EFCAB13: variants seen among roughly 807,000 people sequenced by gnomAD.
The protein encoded by EFCAB13 is EF-hand calcium-binding domain-containing protein 13.
In EFCAB13, 91 loss-of-function variants were observed where a neutral mutation model predicts 110.2. The ratio of observed to expected loss-of-function variants is 0.83; its 90% confidence interval spans 0.70 to 0.98. EFCAB13 has a LOEUF of 0.98. Ranked by LOEUF, EFCAB13 falls within the 50% of genes least tolerant of loss-of-function variation. EFCAB13 has a pLI of 0.00. For missense variants in EFCAB13, 968 were observed against 1,119.4 expected, an observed-to-expected ratio of 0.86 and a Z score of 1.93; for synonymous variants, 323 against 369.9, an observed-to-expected ratio of 0.87 and a Z score of 1.45.
At chr17:47,435,257 A>T (rs1905191075) in intron 24 of EFCAB13, among the ~76,000 whole-genome samples, 1 of 152,116 alleles carries the variant, frequency 6.6e-6, no homozygotes, top group Non-Finnish European at 1.5e-5. Flanking sequence ...AGATATACAA[A>T]TGGCCAACAA....
At chr17:47,416,881 G>C (rs1904469457) in intron 23 of EFCAB13, among the ~76,000 whole-genome samples, 1 of 152,166 alleles carries the variant, frequency 6.6e-6, no homozygotes, top group Admixed American at 6.5e-5. Flanking sequence ...GAAAACGAAA[G>C]AAAGTCCACA....
At chr17:47,340,695 G>C (rs2143253103) in intron 5 of EFCAB13, among the ~76,000 whole-genome samples, 1 of 150,930 alleles carries the variant, frequency 6.6e-6, no homozygotes, top group Non-Finnish European at 1.5e-5. Flanking sequence ...TGCCTCCCAG[G>C]TTCAAGCAAT....
chr17:47,421,498 C>A (rs1344984906), intron 23 of EFCAB13, among the ~76,000 whole-genome samples: 3 of 151,740 alleles, frequency 2.0e-5, no homozygotes, highest in African/African-American at 7.3e-5. Flanking sequence ...TGCGGAAGGC[C>A]GCAGTGTCCT....
chr17:47,383,525 A>G (rs1161269271), intron 14 of EFCAB13, among the ~76,000 whole-genome samples: 1 of 152,078 alleles, frequency 6.6e-6, no homozygotes, highest in East Asian at 1.9e-4. Context: ...TTCTGCCTTC[A>G]TTTCATTATT....
At chr17:47,370,738 G>GTTTTTTTTTTTTTTTTT (rs764924546) in intron 11 of EFCAB13, among the ~76,000 whole-genome samples, 1 of 127,202 alleles carries the variant, frequency 7.9e-6, no homozygotes, top group East Asian at 2.4e-4. Context: ...GTTGTTGTTT[G>GTTTTTTTTTTTTTTTTT]TTTTTTTTTT....
intron 9 of EFCAB13, among the ~76,000 whole-genome samples, chr17:47,351,325 G>A (rs1333922138): frequency 2.7e-5 from 4 of 150,632 alleles, no homozygotes; most frequent in South Asian, 2.1e-4. Context: ...GCGCGCGCGC[G>A]CGCCACGTTT....
chr17:47,332,298 C>G (rs927161560), intron 4 of EFCAB13, among the ~76,000 whole-genome samples: 2 of 151,912 alleles, frequency 1.3e-5, no homozygotes, highest in African/African-American at 4.8e-5. Flanking sequence ...TTTAGATTGA[C>G]AAATAATAAT....
At chr17:47,412,990 T>C (rs2065844210) in intron 22 of EFCAB13, 74 bp downstream of exon 22, 6 of 1,491,148 alleles carry the variant, frequency 4.0e-6, no homozygotes, top group Non-Finnish European at 3.6e-6. Flanking sequence ...AGTGTACCTA[T>C]AAGGATAAGA....
At chr17:47,370,222 C>T (rs1226955455) in intron 10 of EFCAB13, among the ~76,000 whole-genome samples, 1 of 152,024 alleles carries the variant, frequency 6.6e-6, no homozygotes, top group Non-Finnish European at 1.5e-5. Context: ...TGATGAAAAA[C>T]TCTTTTATTA....
chr17:47,396,449 C>A (rs1166749975), intron 17 of EFCAB13, among the ~76,000 whole-genome samples: 1 of 151,654 alleles, frequency 6.6e-6, no homozygotes, highest in African/African-American at 2.4e-5. Context: ...AAACAAAGTT[C>A]AAAAAAGTAT....
chr17:47,377,814 CAGA>C lies in EFCAB13; in HGVS notation c.1426_1428del (p.Glu476del), dbSNP rs752030356. The C allele has an allele frequency of 7.4e-5, 117 of 1,589,850 alleles. No homozygotes were observed. Among genetic ancestry groups the C allele is most frequent in the East Asian group, 1.1e-4 (5 of 43,900 alleles). Reference sequence around the variant, plus strand: ...AAACTTCAAGAAAATTACATTGCAGCAGAAGAACTTCAGTCTATTTTGCCTTCA... The same window carrying C: ...AAACTTCAAGAAAATTACATTGCAGCAGAACTTCAGTCTATTTTGCCTTCA... On this transcript the variant is annotated inframe_deletion, in exon 13 of 25. Transcript: ENST00000331493.
chr17:47,358,674 A>T (rs2065493876), intron 9 of EFCAB13, among the ~76,000 whole-genome samples: 1 of 152,082 alleles, frequency 6.6e-6, no homozygotes, highest in Admixed American at 6.5e-5. Flanking sequence ...TTATCACAAA[A>T]TTTATTATTT....
intron 6 of EFCAB13, among the ~76,000 whole-genome samples, chr17:47,342,260 A>G (rs2143259129): frequency 6.6e-6 from 1 of 150,764 alleles, no homozygotes; most frequent in African/African-American, 2.4e-5. Context: ...TTTTTTCCCT[A>G]TTAAACTTAT....
chr17:47,366,569 T>A (rs1167546670), intron 10 of EFCAB13, among the ~76,000 whole-genome samples: 2 of 152,312 alleles, frequency 1.3e-5, no homozygotes, highest in East Asian at 3.9e-4. Flanking sequence ...TCCTCCAGAA[T>A]TATATACCTT....
chr17:47,344,093 A>G, intron 6 of EFCAB13, 69 bp from the exon 7 acceptor site: 1 of 1,497,400 alleles, frequency 6.7e-7, no homozygotes, highest in Non-Finnish European at 9.0e-7. Flanking sequence ...TAAGAGTTGT[A>G]TCATCCAAGA....
chr17:47,379,373 G>A, intron 14 of EFCAB13, 120 bp downstream of exon 14: 1 of 691,532 alleles, frequency 1.4e-6, no homozygotes, highest in Admixed American at 2.5e-5. Context: ...TGACTCTTAG[G>A]CAAGTCAGTT....
chr17:47,353,439 C>T (rs1598729592), intron 9 of EFCAB13, among the ~76,000 whole-genome samples: 1 of 152,072 alleles, frequency 6.6e-6, no homozygotes, highest in East Asian at 1.9e-4. Context: ...GTACTACAGG[C>T]ATGCACCACC....
chr17:47,363,029 C>T (rs752737647), intron 10 of EFCAB13, among the ~76,000 whole-genome samples: 2 of 152,150 alleles, frequency 1.3e-5, no homozygotes, highest in Non-Finnish European at 2.9e-5. Context: ...CGTCTCCGCA[C>T]ACGGGGAGAA....
chr17:47,407,031 C>T (rs2065808593), intron 20 of EFCAB13, among the ~76,000 whole-genome samples: 1 of 151,990 alleles, frequency 6.6e-6, no homozygotes, highest in South Asian at 2.1e-4. Flanking sequence ...ATGTTTGTGA[C>T]TGTGCTAAAC....
Sources: gnomAD v4.1 joint callset for allele counts (sites outside exome capture counted in the v4.1 genomes callset) on GRCh38, gnomAD v4.1.1 for gene constraint, MANE v1.5 for transcripts, NCBI Gene and HGNC (gene_info 2026-07-23, HGNC 2026-07-21) for gene names.